Variants in GOLGB1 observed in about 807,000 individuals in gnomAD.
GOLGB1 encodes the protein golgin B1, also known as golgin subfamily B member 1.
In GOLGB1, 174 loss-of-function variants were observed where a neutral mutation model predicts 336.9. That is an observed-to-expected ratio of 0.52 (90% confidence interval 0.46 to 0.59). The LOEUF (loss-of-function observed/expected upper bound fraction) is 0.59. Ranked by LOEUF, GOLGB1 falls within the 20% of genes least tolerant of loss-of-function variation. The pLI is 0.00. For missense variants in GOLGB1, 3,331 were observed against 3,645.3 expected (o/e 0.91, Z 2.22); for synonymous variants, 1,208 against 1,289.2 (o/e 0.94, Z 1.35).
At position 121,697,999 on chromosome 3, in the gene GOLGB1, G is replaced by A; in HGVS notation, c.2524C>T (p.Gln842Ter). ...CTTTCCTTATTTTGCAGCTGGCTTTGCAGGCTTCTTATCAGGGTACTCTGC... is the reference window on the plus strand; with the variant it reads ...CTTTCCTTATTTTGCAGCTGGCTTTACAGGCTTCTTATCAGGGTACTCTGC... ...SEQSTLIRSL[Q>*]SQLQNKESEV... Residue 842 changes from glutamine (Q) to a stop codon, truncating the protein, a stop_gained, in exon 13 of 22, where the codon CAA becomes TAA. Coordinates refer to ENST00000614479, the MANE Select transcript of GOLGB1 (RefSeq NM_001366282.2). LOFTEE classifies it high-confidence loss of function. 1 of 1,614,044 alleles carries A rather than the reference G, an allele frequency of 6.2e-7. No homozygotes were observed. Among genetic ancestry groups the A allele is most frequent in the Non-Finnish European group, 8.5e-7 (1 of 1,179,946 alleles).
At chr3:121,717,527 GTGGAATTCAA>G (rs1014101271) in intron 8 of GOLGB1, among the ~76,000 whole-genome samples, 4 of 152,190 alleles carry the variant, frequency 2.6e-5, no homozygotes, top group African/African-American at 7.2e-5. Flanking sequence ...GAGAAGCAAA[GTGGAATTCAA>G]TGGAATTCAA....
chr3:121,709,761 AAAG>A (rs1012320948), intron 10 of GOLGB1, among the ~76,000 whole-genome samples: 3 of 152,200 alleles, frequency 2.0e-5, no homozygotes, highest in East Asian at 3.8e-4. Context: ...GAAGCTATAA[AAAG>A]AAGAGCAAAG....
chr3:121,685,085 T>C (rs903100699), intron 14 of GOLGB1, among the ~76,000 whole-genome samples: 2 of 152,106 alleles, frequency 1.3e-5, no homozygotes, highest in African/African-American at 2.4e-5. Context: ...CAAAAACTTA[T>C]TAATCTGGGA....
At chr3:121,744,441 C>CA (rs11290154) in intron 1 of GOLGB1, among the ~76,000 whole-genome samples, 783 of 73,000 alleles carry the variant, frequency 0.011, 2 homozygotes, top group African/African-American at 0.015. Flanking sequence ...ACTGTCTCTA[C>CA]AAAAAAAAAA....
In GOLGB1 at chr3:121,673,425, C is replaced by T. The variant is rs556785999; in HGVS notation, c.9177+3468G>A. ...GGCTAGTTAGGAGTTTTTGTGGTTA[C>T]ATACATATTAAATTTTTTTTCCCAT... On this transcript the variant is annotated intron_variant, in intron 17 of 21. Coordinates refer to ENST00000614479, the MANE Select transcript of GOLGB1 (RefSeq NM_001366282.2). Among the ~76,000 whole-genome samples the T allele has an allele frequency of 6.6e-5, 10 of 152,238 alleles. No individual in the cohort carries two copies. In the South Asian group the frequency reaches 1.9e-3, roughly 28 times the overall value.
chr3:121,749,365 G>A (rs1040081030), intron 1 of GOLGB1, among the ~76,000 whole-genome samples: 8 of 152,226 alleles, frequency 5.3e-5, no homozygotes, highest in African/African-American at 1.9e-4. Context: ...ACGTACCGGG[G>A]AGGGGACAGA....
At chr3:121,671,390 C>T (rs1405001938) in intron 17 of GOLGB1, among the ~76,000 whole-genome samples, 1 of 152,196 alleles carries the variant, frequency 6.6e-6, no homozygotes, top group Non-Finnish European at 1.5e-5. Flanking sequence ...TTCAGAACCA[C>T]CCCTGGACCC....
At chr3:121,716,627 A>G in intron 9 of GOLGB1, 110 bp downstream of exon 9, 1 of 860,986 alleles carries the variant, frequency 1.2e-6, no homozygotes, top group East Asian at 2.5e-5. Flanking sequence ...CAGTCCTTCT[A>G]TTGGTTCAAT....
Position 121,691,043 on chromosome 3 carries a change from G to A in GOLGB1, c.8321C>T (p.Ala2774Val), listed in dbSNP as rs78232418. ...TAAGAGTCCCTGTTCTTTCAACTGTGCCAATTCCTTCAGACTGGCATCATA... is the reference window on the plus strand; with the variant it reads ...TAAGAGTCCCTGTTCTTTCAACTGTACCAATTCCTTCAGACTGGCATCATA... ...RKYDASLKEL[A>V]QLKEQGLLNR... is the part of the protein sequence containing the mutation. Residue 2774 changes from alanine (A) to valine (V), a missense_variant, in exon 14 of 22, where the codon GCA becomes GTA. Transcript: ENST00000614479. 553 of 1,613,708 alleles carry A rather than the reference G, an allele frequency of 3.4e-4. 9 individuals carry two copies. In the East Asian group the frequency reaches 0.012, roughly 36 times the overall value.
chr3:121,720,904 C>T (rs574859725), intron 6 of GOLGB1, among the ~76,000 whole-genome samples: 3 of 152,160 alleles, frequency 2.0e-5, no homozygotes, highest in South Asian at 2.1e-4. Context: ...CTCACAGTAA[C>T]CTCTTTCGCC....
chr3:121,670,542 G>T (rs1191747842), intron 17 of GOLGB1, among the ~76,000 whole-genome samples: 2 of 152,222 alleles, frequency 1.3e-5, no homozygotes, highest in East Asian at 1.9e-4. Flanking sequence ...ATTCTGAAGA[G>T]CAATGTTAGC....
chr3:121,722,496 T>C, intron 5 of GOLGB1, 118 bp from the exon 6 acceptor site: 1 of 603,044 alleles, frequency 1.7e-6, no homozygotes, highest in East Asian at 2.8e-5. Flanking sequence ...TTCCTTCTAG[T>C]TTCCATTGAA....
At chr3:121,744,210 T>C (rs1947082975) in intron 1 of GOLGB1, among the ~76,000 whole-genome samples, 1 of 152,118 alleles carries the variant, frequency 6.6e-6, no homozygotes, top group Admixed American at 6.5e-5. Flanking sequence ...TACTCTTTAA[T>C]CTTAACAAAA....
chr3:121,746,667 C>T (rs998475902), intron 1 of GOLGB1, among the ~76,000 whole-genome samples: 1 of 152,090 alleles, frequency 6.6e-6, no homozygotes, highest in South Asian at 2.1e-4. Flanking sequence ...TTAGTAGAGA[C>T]AGGGGTTTCA....
chr3:121,677,044 A>T lies in GOLGB1; in HGVS notation c.9040-14T>A, dbSNP rs372300597. 5.0e-6 allele frequency: 8 copies of T among 1,613,662 alleles called. No homozygotes were observed. The African/African-American group carries it at 1.1e-4, about 22-fold the overall frequency. ...CTCTGGGGATGCCTGCCAGGACACA[A>T]ACATTGATCAGATTCTCTCCTAAGA... On this transcript the variant is annotated splice_polypyrimidine_tract_variant and intron_variant, in intron 16 of 21. Coordinates refer to ENST00000614479, the MANE Select transcript of GOLGB1 (RefSeq NM_001366282.2).
rs575188763 is a variant in GOLGB1, at chr3:121,690,987, T to C, written c.8377A>G (p.Thr2793Ala). The C allele has an allele frequency of 6.2e-7, 1 of 1,614,062 alleles. No individual in the cohort carries two copies. The highest frequency in any genetic ancestry group is 1.1e-5 in the South Asian group (1 of 91,068). ...NRERDALLSE[T>A]AFSMNSTEEN... ...TCAGTGGAGTTCATTGAAAAGGCGG[T>C]TTCAGAAAGAAGAGCATCTCTCTCT... Residue 2793 changes from threonine (T) to alanine (A), a missense_variant, in exon 14 of 22, where the codon ACC (threonine) becomes GCC (alanine). Transcript: ENST00000614479.
Position 121,690,670 on chromosome 3 carries a change from T to G in GOLGB1, c.8694A>C (p.Leu2898=). ...MSSLQNDRDR[L]LKELKNLQQQ... ...CAGAAAGAAAGAACTAGCTACTCAC[T>G]AGTCTGTCTCTGTCATTTTGGAGTG... The change falls in exon 14 of 22, where the codon CTA becomes CTC. Residue 2898 remains leucine (L), a splice_region_variant and synonymous_variant. Coordinates refer to ENST00000614479, the MANE Select transcript of GOLGB1 (RefSeq NM_001366282.2). 6.9e-7 allele frequency: 1 copy of G among 1,447,404 alleles called. No individual in the cohort carries two copies. The highest frequency in any genetic ancestry group is 9.3e-7 in the Non-Finnish European group (1 of 1,077,292). The allele number at this position is 1,447,404 out of a possible 1,614,324, so 89.7% of individuals were successfully genotyped here.
rs151025518 is a variant in GOLGB1 at position 121,676,462 on chromosome 3, G to C, written c.9177+431C>G. Among the ~76,000 whole-genome samples the C allele has an allele frequency of 9.8e-5, 15 of 152,312 alleles. 1 individual carries two copies. Among genetic ancestry groups the C allele is most frequent in the African/African-American group, 3.6e-4 (15 of 41,558 alleles). On this transcript the variant is annotated intron_variant, in intron 17 of 21. Transcript: ENST00000614479. ...ATTCTGATTGATCTCTAAATATCTT[G>C]TAGTTCTATCATAGACTACTTAGCT...
In GOLGB1 at chr3:121,722,296, T is replaced by G; in HGVS notation, c.614A>C (p.Gln205Pro). 1.1e-5 allele frequency: 18 copies of G among 1,612,134 alleles called. No homozygotes were observed. The highest frequency in any genetic ancestry group is 1.5e-5 in the Non-Finnish European group (18 of 1,178,232). ...KEEFISTLQAQLSQTQAEQAA... is the reference protein window; with the variant it reads ...KEEFISTLQAPLSQTQAEQAA... Reference sequence around the variant, plus strand: ...TTGCTCTGCCTGTGTCTGGCTGAGCTGGGCTTGTAAAGTGCTAATGAATTC... The same window carrying G: ...TTGCTCTGCCTGTGTCTGGCTGAGCGGGGCTTGTAAAGTGCTAATGAATTC... Residue 205 changes from glutamine (Q) to proline (P), a missense_variant, in exon 6 of 22, where the codon CAG (glutamine) becomes CCG (proline). Transcript: ENST00000614479.
Sources: allele counts gnomAD v4.1 joint callset (sites outside exome capture counted in the v4.1 genomes callset), GRCh38; gene constraint gnomAD v4.1.1; transcripts MANE v1.5; gene names NCBI Gene and HGNC (gene_info 2026-07-23, HGNC 2026-07-21).